Variants in LMBR1 observed in about 807,000 individuals in gnomAD.
LMBR1 encodes limb region 1 protein homolog.
In LMBR1, 52 loss-of-function variants were observed where a neutral mutation model predicts 73.9. That is an observed-to-expected ratio of 0.70 (90% CI 0.56 to 0.89). The LOEUF (loss-of-function observed/expected upper bound fraction) is 0.89. LMBR1 is among the 40% of genes least tolerant of loss of function. LMBR1 has a pLI of 0.00. For missense variants in LMBR1, 539 were observed against 579.8 expected (o/e 0.93, Z 0.72); for synonymous variants, 215 against 209.4 (o/e 1.03, Z -0.23).
At chr7:156,672,195 G>GTA (rs1802692104) in intron 4 of LMBR1, among the ~76,000 whole-genome samples, 1 of 152,160 alleles carries the variant, frequency 6.6e-6, no homozygotes, top group African/African-American at 2.4e-5. Flanking sequence ...GATTTATTTG[G>GTA]TATATATGCA....
chr7:156,860,223 G>A (rs112721513), intron 1 of LMBR1, among the ~76,000 whole-genome samples: 2,584 of 152,266 alleles, frequency 0.017, 37 homozygotes, highest in Non-Finnish European at 0.026. Context: ...ACACTTCCAC[G>A]TGGCTGGGGA....
At chr7:156,885,391 T>C (rs1300404717) in intron 1 of LMBR1, among the ~76,000 whole-genome samples, 3 of 150,456 alleles carry the variant, frequency 2.0e-5, no homozygotes, top group East Asian at 3.9e-4. Context: ...ACCCCAGACT[T>C]GGTTCCAAAA....
chr7:156,794,968 C>G (rs940478193), intron 5 of LMBR1, among the ~76,000 whole-genome samples: 3 of 152,186 alleles, frequency 2.0e-5, no homozygotes, highest in Non-Finnish European at 4.4e-5. Flanking sequence ...AAATCCTATT[C>G]TGGCTTCTCT....
At chr7:156,744,181 G>A (rs1049778463) in intron 9 of LMBR1, among the ~76,000 whole-genome samples, 11 of 152,072 alleles carry the variant, frequency 7.2e-5, no homozygotes, top group African/African-American at 2.2e-4. Context: ...GGGACTACAG[G>A]TGCGTGCCGC....
At chr7:156,826,887 C>G (rs912006816) in intron 3 of LMBR1, 143 bp from the exon 4 acceptor site, 7 of 717,938 alleles carry the variant, frequency 9.8e-6, no homozygotes, top group Non-Finnish European at 1.5e-5. Context: ...AGTTGGGAGA[C>G]AAATGATATA....
At chr7:156,821,610 A>G (rs1038004339) in intron 4 of LMBR1, among the ~76,000 whole-genome samples, 7 of 152,232 alleles carry the variant, frequency 4.6e-5, no homozygotes, top group African/African-American at 1.7e-4. Context: ...AACTGGAAAT[A>G]AGAAAATTGG....
intron 9 of LMBR1, among the ~76,000 whole-genome samples, chr7:156,741,637 T>C (rs1365209668): frequency 6.6e-6 from 1 of 151,980 alleles, no homozygotes; most frequent in South Asian, 2.1e-4. Context: ...CAATGGAGCA[T>C]CCAGATATAT....
rs544902093 is a variant in LMBR1, at chr7:156,872,771, G to A, written c.66+20157C>T. ...ACATTTGGAGGAAAAACGGCAGATG[G>A]GAGGCAGGACTAGATTGCAGCTCCC... On this transcript the variant is annotated intron_variant, in intron 1 of 16. Coordinates refer to ENST00000353442, the MANE Select transcript of LMBR1 (RefSeq NM_022458.4). Among the ~76,000 whole-genome samples the A allele has an allele frequency of 2.0e-5, 3 of 152,312 alleles. No homozygotes were observed. The East Asian group carries it at 5.8e-4, about 29-fold the overall frequency.
At chr7:156,794,752 T>C (rs1829811740) in intron 5 of LMBR1, among the ~76,000 whole-genome samples, 1 of 152,182 alleles carries the variant, frequency 6.6e-6, no homozygotes, top group Non-Finnish European at 1.5e-5. Context: ...AGGGAAGAAC[T>C]TTGCTTATTG....
intron 5 of LMBR1, among the ~76,000 whole-genome samples, chr7:156,781,824 G>T (rs1372505717): frequency 6.6e-6 from 1 of 152,116 alleles, no homozygotes; most frequent in Non-Finnish European, 1.5e-5. Context: ...AAATTGTGGT[G>T]AAATATGCAT....
intron 1 of LMBR1, among the ~76,000 whole-genome samples, chr7:156,872,804 C>G (rs1230326390): frequency 1.3e-5 from 2 of 152,156 alleles, no homozygotes; most frequent in Non-Finnish European, 2.9e-5. Flanking sequence ...CCCACTCAGA[C>G]AGAGTAGTGT....
At chr7:156,815,370 C>A (rs1286792189) in intron 4 of LMBR1, among the ~76,000 whole-genome samples, 1 of 151,612 alleles carries the variant, frequency 6.6e-6, no homozygotes, top group African/African-American at 2.4e-5. Flanking sequence ...TTTAAAATGA[C>A]AATGACAAAA....
chr7:156,692,769 G>A (rs1278437035), intron 15 of LMBR1, among the ~76,000 whole-genome samples: 1 of 152,202 alleles, frequency 6.6e-6, no homozygotes, highest in Non-Finnish European at 1.5e-5. Context: ...GAAGAACCTG[G>A]CAGACAACTG....
At chr7:156,737,887 A>G (rs1248079853) in intron 9 of LMBR1, among the ~76,000 whole-genome samples, 1 of 152,144 alleles carries the variant, frequency 6.6e-6, no homozygotes. Context: ...TTGTCTGCTC[A>G]TATTTAAGAC....
At chr7:156,849,789 G>A (rs1267015795) in intron 1 of LMBR1, among the ~76,000 whole-genome samples, 1 of 152,088 alleles carries the variant, frequency 6.6e-6, no homozygotes. Context: ...CCAAACCCAT[G>A]GAATGTACAC....
intron 4 of LMBR1, among the ~76,000 whole-genome samples, chr7:156,815,782 A>G (rs1833817045): frequency 6.6e-6 from 1 of 152,156 alleles, no homozygotes; most frequent in Admixed American, 6.5e-5. Flanking sequence ...TGTTGTAACC[A>G]TGAATATAAA....
intron 15 of LMBR1, among the ~76,000 whole-genome samples, chr7:156,700,847 T>C (rs1220747217): frequency 6.6e-6 from 1 of 152,182 alleles, no homozygotes; most frequent in Non-Finnish European, 1.5e-5. Context: ...TCTGTTTTCA[T>C]GCTGCTGCTA....
Position 156,837,183 on chromosome 7 carries a change from T to A in LMBR1, c.67-298A>T, listed in dbSNP as rs1322740426. On this transcript the variant is annotated intron_variant, in intron 1 of 16. Coordinates refer to ENST00000353442, the MANE Select transcript of LMBR1 (RefSeq NM_022458.4). ...TACTAAAAAATACAAAAAAAAAAAA[T>A]ATTAGCAGGGCATGGTGGCGGTGCA... 5.7e-4 allele frequency among the ~76,000 whole-genome samples: 76 copies of A among 133,984 alleles called. No homozygotes were observed. The Admixed American group carries it at 5.7e-3, about 10-fold the overall frequency. 87.9% of individuals were successfully genotyped at this position (133,984 alleles called of 152,430 possible). A position where few individuals can be genotyped will look rare whatever the true frequency, so the allele number is the denominator to read the frequency against.
In LMBR1 at chr7:156,695,090, A is replaced by G. The variant is rs564582361; in HGVS notation, c.1226-6899T>C. On this transcript the variant is annotated intron_variant, in intron 15 of 16. Transcript: ENST00000353442. ...TTTGGGAGGCTGAAACAAGAAAATCACTTGAAGCAGGAGTTTGAGATCAGC... is the reference window on the plus strand; with the variant it reads ...TTTGGGAGGCTGAAACAAGAAAATCGCTTGAAGCAGGAGTTTGAGATCAGC... 2.1e-3 allele frequency among the ~76,000 whole-genome samples: 321 copies of G among 152,314 alleles called. 3 individuals carry two copies. The highest frequency in any genetic ancestry group is 6.6e-3 in the African/African-American group (275 of 41,566).
Sources: gnomAD v4.1 joint callset for allele counts (sites outside exome capture counted in the v4.1 genomes callset) on GRCh38, gnomAD v4.1.1 for gene constraint, MANE v1.5 for transcripts, NCBI Gene and HGNC (gene_info 2026-07-23, HGNC 2026-07-21) for gene names.